Variants in FAM114A1 observed in about 807,000 individuals in gnomAD.
The protein encoded by FAM114A1 is family with sequence similarity 114 member A1, also known as protein NOXP20.
Under a neutral mutation model 64.3 loss-of-function variants are expected in FAM114A1, and 62 were observed. That is an observed-to-expected ratio of 0.96 (90% confidence interval 0.79 to 1.19). FAM114A1 has a LOEUF of 1.19. Ranked by LOEUF, FAM114A1 falls within the 50% of genes most tolerant of loss-of-function variation. The probability of loss-of-function intolerance (pLI) is 0.00; values close to 1 mark genes in which losing one functional copy is unlikely to be tolerated. For synonymous variants in FAM114A1, 254 were observed against 251.1 expected (o/e 1.01, Z -0.11); for missense variants, 645 against 676.3 (o/e 0.95, Z 0.51).
At chr4:38,928,382 T>TA (rs1720336106) in intron 9 of FAM114A1, among the ~76,000 whole-genome samples, 1 of 152,218 alleles carries the variant, frequency 6.6e-6, no homozygotes, top group South Asian at 2.1e-4. Flanking sequence ...GCCTTGCAGA[T>TA]ACTTTAAAAG....
intron 3 of FAM114A1, among the ~76,000 whole-genome samples, chr4:38,882,454 A>AC: frequency 6.6e-6 from 1 of 150,938 alleles, no homozygotes; most frequent in African/African-American, 2.4e-5. Context: ...ATATGGAGAA[A>AC]CCCCGTCTCT....
intron 7 of FAM114A1, among the ~76,000 whole-genome samples, chr4:38,911,861 C>CTTTTTTTTTTTTTTTTTTTTTTTTTTTT (rs375816760): frequency 1.9e-5 from 1 of 54,038 alleles, no homozygotes; most frequent in Admixed American, 2.2e-4. Context: ...TTTCTTTTTT[C>CTTTTTTTTTTTTTTTTTTTTTTTTTTTT]TTTTTTTTTT....
rs376993682 is a variant in FAM114A1, at chr4:38,922,726, G to A, written c.946-44G>A. On this transcript the variant is annotated intron_variant, in intron 8 of 14. Transcript: ENST00000358869. ...ACCGCTGTGTGTAAACGTTATTAAC[G>A]AGAAGAAAAGATGACAGTCGTGCTG... 377 of 1,583,188 alleles carry A rather than the reference G, an allele frequency of 2.4e-4. 4 individuals carry two copies. In the South Asian group the frequency reaches 3.1e-3, roughly 13 times the overall value.
At chr4:38,867,872 C>T (rs946578662) in intron 1 of FAM114A1, 38 bp downstream of exon 1, 4 of 174,688 alleles carry the variant, frequency 2.3e-5, no homozygotes, top group East Asian at 1.7e-4. Context: ...TCCCCTTCCC[C>T]GGGGGGCGGG....
chr4:38,899,528 C>T (rs988816251), intron 4 of FAM114A1, among the ~76,000 whole-genome samples: 12 of 152,182 alleles, frequency 7.9e-5, no homozygotes, highest in African/African-American at 2.9e-4. Context: ...GCACACAGCA[C>T]TATCTGTGTG....
intron 3 of FAM114A1, among the ~76,000 whole-genome samples, chr4:38,880,432 T>C (rs1215644625): frequency 6.6e-6 from 1 of 152,218 alleles, no homozygotes; most frequent in African/African-American, 2.4e-5. Context: ...TTTCATTCTT[T>C]TGGCTACTAG....
At chr4:38,891,857 A>G in intron 4 of FAM114A1, 27 bp downstream of exon 4, 1 of 1,583,788 alleles carries the variant, frequency 6.3e-7, no homozygotes, top group South Asian at 1.2e-5. Context: ...GCATTGGAAT[A>G]GACAAAGTAC....
Position 38,931,471 on chromosome 4 carries a change from C to G in FAM114A1, c.1182C>G (p.Asp394Glu), listed in dbSNP as rs752362218. Residue 394 changes from aspartate (D) to glutamate (E), a missense_variant, in exon 11 of 15, where the codon GAC becomes GAG. Physicochemically the swap from Asp to Glu is conservative, Grantham distance 45. Transcript: ENST00000358869. Reference sequence around the variant, plus strand: ...TGCAGGCCATGAAGAGGGCTCATGACTGGGTGGAAGAGGATCAAACCGTGG... The same window carrying G: ...TGCAGGCCATGAAGAGGGCTCATGAGTGGGTGGAAGAGGATCAAACCGTGG... ...KLNKAMKRAH[D>E]WVEEDQTVVS... is the part of the protein sequence containing the mutation. The G allele has an allele frequency of 6.2e-7, 1 of 1,613,196 alleles. No individual in the cohort carries two copies. The highest frequency in any genetic ancestry group is 8.5e-7 in the Non-Finnish European group (1 of 1,179,742).
At chr4:38,884,996 G>A (rs1715651208) in intron 3 of FAM114A1, among the ~76,000 whole-genome samples, 1 of 152,096 alleles carries the variant, frequency 6.6e-6, no homozygotes, top group Non-Finnish European at 1.5e-5. Flanking sequence ...ATTTATTTGA[G>A]ATAGGGTCTC....
intron 8 of FAM114A1, 123 bp downstream of exon 8, chr4:38,915,196 G>A (rs1718929961): frequency 4.8e-6 from 6 of 1,251,846 alleles, no homozygotes. Context: ...TTGTGCTGAG[G>A]TCAGAAATAC....
At chr4:38,905,401 A>T (rs73236670) in intron 4 of FAM114A1, 121 bp from the exon 5 acceptor site, 124,197 of 330,448 alleles carry the variant, frequency 0.38, 7,441 homozygotes, top group Non-Finnish European at 0.41. Context: ...TCCATCTTTT[A>T]AAAAAAAAAA....
intron 9 of FAM114A1, among the ~76,000 whole-genome samples, chr4:38,927,991 G>A (rs1021151227): frequency 2.6e-5 from 4 of 152,144 alleles, no homozygotes; most frequent in African/African-American, 9.7e-5. Flanking sequence ...CTACTTATCT[G>A]TTTTGATTAT....
intron 7 of FAM114A1, among the ~76,000 whole-genome samples, chr4:38,912,598 G>T (rs1385674414): frequency 6.6e-6 from 1 of 152,144 alleles, no homozygotes; most frequent in East Asian, 1.9e-4. Context: ...TGGCCAGGCT[G>T]GTCTTGAACT....
intron 3 of FAM114A1, among the ~76,000 whole-genome samples, chr4:38,891,302 C>T (rs1012898909): frequency 6.6e-6 from 1 of 152,182 alleles, no homozygotes; most frequent in Non-Finnish European, 1.5e-5. Context: ...TGCCAAAGCA[C>T]CTGCCTACTG....
rs1291704253 is a variant in FAM114A1, at chr4:38,944,875, G to A, written c.*1318G>A. ...ATTGTCTTCCATGAAACCGGTCCCT[G>A]GTACCAGAAAGGTTGGGGACCACTG... On this transcript the variant is annotated 3_prime_UTR_variant, in exon 15 of 15. Coordinates refer to ENST00000358869, the MANE Select transcript of FAM114A1 (RefSeq NM_138389.4). 1 of 152,078 alleles carries A rather than the reference G, an allele frequency of 6.6e-6. No homozygotes were observed. The highest frequency in any genetic ancestry group is 1.5e-5 in the Non-Finnish European group (1 of 68,026). 9.4% of individuals were successfully genotyped at this position (152,078 alleles called of 1,614,324 possible). A position where few individuals can be genotyped will look rare whatever the true frequency, so the allele number is the denominator to read the frequency against.
chr4:38,923,056 G>C (rs1719761088), intron 9 of FAM114A1, among the ~76,000 whole-genome samples, 163 bp downstream of exon 9: 1 of 152,126 alleles, frequency 6.6e-6, no homozygotes, highest in African/African-American at 2.4e-5. Flanking sequence ...TGGTCACATT[G>C]ATTTATAAGA....
intron 9 of FAM114A1, among the ~76,000 whole-genome samples, chr4:38,926,236 A>C (rs1369971718): frequency 1.3e-5 from 2 of 152,332 alleles, no homozygotes; most frequent in East Asian, 3.9e-4. Context: ...CATGCCTTCC[A>C]AGTCCCAGCC....
chr4:38,941,005 G>GT lies in FAM114A1; in HGVS notation c.1575dup (p.Ser526Ter). ...GCCGAGGTCCTTAACCCCATGATCA[G>GT]TAGTGTATTGTTAGAGGTAAGTGGC... is the stretch of plus-strand genomic sequence containing the variant. On this transcript the variant is annotated frameshift_variant, in exon 14 of 15. Transcript: ENST00000358869. LOFTEE classifies it high-confidence loss of function. 6.2e-7 allele frequency: 1 copy of GT among 1,613,750 alleles called. No individual in the cohort carries two copies. The highest frequency in any genetic ancestry group is 1.7e-5 in the Admixed American group (1 of 59,986).
intron 6 of FAM114A1, 51 bp from the exon 7 acceptor site, chr4:38,908,541 C>T (rs376808897): frequency 1.6e-5 from 24 of 1,509,910 alleles, no homozygotes; most frequent in African/African-American, 1.1e-4. Flanking sequence ...CTGACTGCTG[C>T]GAAACAGCAA....
Sources: gnomAD v4.1 joint callset for allele counts (sites outside exome capture counted in the v4.1 genomes callset) on GRCh38, gnomAD v4.1.1 for gene constraint, MANE v1.5 for transcripts, NCBI Gene and HGNC (gene_info 2026-07-23, HGNC 2026-07-21) for gene names.